PAPSS2: variants seen among roughly 807,000 people sequenced by gnomAD.
PAPSS2 encodes bifunctional 3'-phosphoadenosine 5'-phosphosulfate synthase 2.
In PAPSS2, 61 loss-of-function variants were observed where a neutral mutation model predicts 66.5. The observed-to-expected ratio is 0.92, with a 90% CI of 0.75 to 1.14. The LOEUF is 1.14. Among genes scored for constraint, PAPSS2 ranks in the 50% most tolerant of loss-of-function variants. The pLI is 0.00. For missense variants in PAPSS2, 708 were observed against 789.6 expected (o/e 0.90, Z 1.24); for synonymous variants, 289 against 287.5 (o/e 1.01, Z -0.05).
intron 2 of PAPSS2, among the ~76,000 whole-genome samples, chr10:87,709,550 C>A (rs1046371669): frequency 6.6e-6 from 1 of 152,148 alleles, no homozygotes; most frequent in Non-Finnish European, 1.5e-5. Context: ...CTAGTTGTCA[C>A]TTTTCTCCTC....
intron 1 of PAPSS2, among the ~76,000 whole-genome samples, chr10:87,666,749 G>A (rs1013350229): frequency 2.0e-5 from 3 of 152,006 alleles, no homozygotes; most frequent in Non-Finnish European, 4.4e-5. Context: ...GAGGTCGTGG[G>A]GTATGAATTT....
chr10:87,696,324 A>G (rs888967437), intron 1 of PAPSS2, among the ~76,000 whole-genome samples: 2 of 151,666 alleles, frequency 1.3e-5, no homozygotes, highest in Non-Finnish European at 2.9e-5. Context: ...CCTCTTTTCT[A>G]TTTCCTGGGC....
chr10:87,738,439 G>C (rs12218359), intron 9 of PAPSS2, among the ~76,000 whole-genome samples: 1 of 149,064 alleles, frequency 6.7e-6, no homozygotes, highest in Non-Finnish European at 1.5e-5. Flanking sequence ...GTGTGTGTGT[G>C]TCTCTGTCAC....
intron 1 of PAPSS2, among the ~76,000 whole-genome samples, chr10:87,706,720 C>T (rs1215812983): frequency 6.6e-6 from 1 of 152,084 alleles, no homozygotes; most frequent in East Asian, 1.9e-4. Flanking sequence ...GATTGAACCA[C>T]TGAACTGCAG....
intron 1 of PAPSS2, among the ~76,000 whole-genome samples, chr10:87,678,713 C>G (rs572320181): frequency 6.6e-6 from 1 of 151,914 alleles, no homozygotes; most frequent in East Asian, 1.9e-4. Flanking sequence ...CAGGAAAATT[C>G]AAATCAAAAC....
chr10:87,723,850 A>G (rs180913215), intron 8 of PAPSS2, among the ~76,000 whole-genome samples: 1 of 152,224 alleles, frequency 6.6e-6, no homozygotes, highest in East Asian at 1.9e-4. Flanking sequence ...TAAATGTTGC[A>G]TTGAAAAGTT....
chr10:87,713,359 C>G, intron 3 of PAPSS2, 49 bp downstream of exon 3: 2 of 1,038,744 alleles, frequency 1.9e-6, no homozygotes, highest in Admixed American at 3.8e-5. Context: ...TTCCCACACA[C>G]AGTGCAAGTG....
At chr10:87,671,657 A>G (rs1025475307) in intron 1 of PAPSS2, among the ~76,000 whole-genome samples, 1 of 152,190 alleles carries the variant, frequency 6.6e-6, no homozygotes. Context: ...TGTTCTCTGG[A>G]TGTACTAGAG....
intron 1 of PAPSS2, among the ~76,000 whole-genome samples, chr10:87,673,221 TTA>T (rs1296368214): frequency 6.6e-6 from 1 of 152,254 alleles, no homozygotes; most frequent in Non-Finnish European, 1.5e-5. Flanking sequence ...TGTTAAAACA[TTA>T]TTTTTTTAAA....
chr10:87,683,611 T>A (rs1853052319), intron 1 of PAPSS2, among the ~76,000 whole-genome samples: 1 of 152,236 alleles, frequency 6.6e-6, no homozygotes, highest in South Asian at 2.1e-4. Flanking sequence ...TCTATTGGAT[T>A]CATGAAGGCT....
chr10:87,705,495 GT>G (rs553285178), intron 1 of PAPSS2, among the ~76,000 whole-genome samples: 2 of 151,750 alleles, frequency 1.3e-5, no homozygotes, highest in African/African-American at 4.8e-5. Context: ...AAATGTCAGG[GT>G]TTTTTTTCCC....
intron 8 of PAPSS2, among the ~76,000 whole-genome samples, chr10:87,726,009 G>T (rs111374792): frequency 1.3e-3 from 205 of 152,062 alleles, no homozygotes; most frequent in African/African-American, 4.7e-3. Context: ...CTCCCAAAAT[G>T]CTGGGATTAT....
rs1019740832 is a variant in PAPSS2, at chr10:87,746,831, A to G, written c.*861A>G. On this transcript the variant is annotated 3_prime_UTR_variant, in exon 13 of 13. Transcript: ENST00000456849. ...GCTGTAATAAAAAATAATTCACACT[A>G]TCAGACTAGCAAGGCACTAGAACTG... The G allele has an allele frequency of 6.6e-6, 1 of 152,266 alleles. No homozygotes were observed. Among genetic ancestry groups the G allele is most frequent in the African/African-American group, 2.4e-5 (1 of 41,472 alleles). 9.4% of individuals were successfully genotyped at this position (152,266 alleles called of 1,614,324 possible).
rs572672528 is a variant in PAPSS2, at chr10:87,728,870, T to C, written c.1086+1381T>C. On this transcript the variant is annotated intron_variant, in intron 9 of 12. Transcript: ENST00000456849. ...ATGTTCCAAGATAGGAAAGACCTTT[T>C]AAGTCCCCTGTTTGTGGCCTCTGAA... 4.6e-5 allele frequency among the ~76,000 whole-genome samples: 7 copies of C among 152,358 alleles called. No homozygotes were observed. The East Asian group carries it at 1.2e-3, about 25-fold the overall frequency.
At chr10:87,734,665 A>G (rs113461655) in intron 9 of PAPSS2, among the ~76,000 whole-genome samples, 722 of 34,194 alleles carry the variant, frequency 0.021, 1 homozygote, top group African/African-American at 0.044. Flanking sequence ...ATGTGTGTGT[A>G]TATATATATA....
At chr10:87,741,436 C>T (rs985496674) in intron 10 of PAPSS2, 66 bp downstream of exon 10, 124 of 1,437,990 alleles carry the variant, frequency 8.6e-5, no homozygotes, top group Middle Eastern at 2.3e-4. Context: ...GTTCTGTCAC[C>T]CAGGCTGGAG....
intron 2 of PAPSS2, among the ~76,000 whole-genome samples, chr10:87,712,008 T>C (rs1424628394): frequency 6.6e-5 from 10 of 152,132 alleles, no homozygotes; most frequent in Admixed American, 6.6e-4. Flanking sequence ...AACTGTTAAA[T>C]AATTTTGGCA....
At chr10:87,743,242 C>G (rs905941679) in intron 10 of PAPSS2, 131 bp from the exon 11 acceptor site, 1 of 794,850 alleles carries the variant, frequency 1.3e-6, no homozygotes, top group Non-Finnish European at 2.0e-6. Context: ...GAGACTCTTT[C>G]AAAAAAAAAA....
At chr10:87,743,994 C>T (rs541078189) in intron 11 of PAPSS2, among the ~76,000 whole-genome samples, 10 of 152,066 alleles carry the variant, frequency 6.6e-5, no homozygotes, top group South Asian at 4.2e-4. Flanking sequence ...CCCAGCTACT[C>T]GGGAAGCTGA....
Sources: allele counts gnomAD v4.1 joint callset (sites outside exome capture counted in the v4.1 genomes callset), GRCh38; gene constraint gnomAD v4.1.1; transcripts MANE v1.5; gene names NCBI Gene and HGNC (gene_info 2026-07-23, HGNC 2026-07-21).